The following RUFY1 variants were observed in gnomAD, a reference collection of about 807,000 sequenced individuals.
RUFY1 encodes the protein RUN and FYVE domain containing 1, also known as RUN and FYVE domain-containing protein 1.
In RUFY1, 54 loss-of-function variants were observed where a neutral mutation model predicts 94.6. That is an observed-to-expected ratio of 0.57 (90% CI 0.46 to 0.72). The LOEUF is 0.72. RUFY1 is among the 30% of genes least tolerant of loss of function. The pLI, the probability that RUFY1 is intolerant of heterozygous loss-of-function variation, is 0.00. For missense variants in RUFY1, 883 were observed against 883.9 expected (o/e 1.00, Z 0.01); for synonymous variants, 396 against 347.3 (o/e 1.14, Z -1.56).
Position 179,608,788 on chromosome 5 carries a change from G to A in RUFY1, c.1984-588G>A, listed in dbSNP as rs1025429537. The stretch of plus-strand genomic sequence containing the variant: ...TACTAAAAAAATACAAAAACTAACC[G>A]GGCACGGTGGCAGGCACTTGTAATC... On this transcript the variant is annotated intron_variant, in intron 17 of 17. Coordinates refer to ENST00000319449, the MANE Select transcript of RUFY1 (RefSeq NM_025158.5). Among the ~76,000 whole-genome samples the A allele has an allele frequency of 5.3e-5, 8 of 151,834 alleles. No individual in the cohort carries two copies. The South Asian group carries it at 6.2e-4, about 12-fold the overall frequency.
In RUFY1 at chr5:179,601,884, C is replaced by T. The variant is rs1263518966; in HGVS notation, c.1762-8C>T. 9 of 1,512,390 alleles carry T rather than the reference C, an allele frequency of 6.0e-6. No individual in the cohort carries two copies. The Admixed American group carries it at 1.0e-4, about 17-fold the overall frequency. The allele number at this position is 1,512,390 out of a possible 1,614,324, so 93.7% of individuals were successfully genotyped here. On this transcript the variant is annotated splice_region_variant and splice_polypyrimidine_tract_variant and intron_variant, in intron 14 of 17. Transcript: ENST00000319449. ...CTGTCCAGCATCTGGTTGGTTTGTT[C>T]ATTTTAGGAGTTGCGGGAGCTTCAG...
chr5:179,560,518 G>A (rs1762366812), intron 2 of RUFY1, among the ~76,000 whole-genome samples: 1 of 151,452 alleles, frequency 6.6e-6, no homozygotes, highest in Admixed American at 6.6e-5. Flanking sequence ...AGGATATCGA[G>A]ACCATCCTGG....
chr5:179,581,211 C>T (rs193014475), intron 7 of RUFY1, among the ~76,000 whole-genome samples, 199 bp downstream of exon 7: 39 of 152,266 alleles, frequency 2.6e-4, no homozygotes, highest in Non-Finnish European at 4.6e-4. Context: ...AATCTTTATT[C>T]TGTGCTTTTT....
At position 179,550,695 on chromosome 5, in the gene RUFY1, C is replaced by A. The variant is rs865843702; in HGVS notation, c.126C>A (p.Ser42Arg). ...PGEEFEIVDR[S>R]QLPGPGDLRS... is the part of the protein sequence containing the mutation. Reference sequence around the variant, plus strand: ...AAGAGTTTGAGATCGTGGACCGAAGCCAGCTGCCCGGCCCAGGCGACCTGC... The same window carrying A: ...AAGAGTTTGAGATCGTGGACCGAAGACAGCTGCCCGGCCCAGGCGACCTGC... Residue 42 changes from serine to arginine, a missense_variant, in exon 1 of 18, where the codon AGC becomes AGA. By Grantham distance (110) the Ser-to-Arg change is moderately radical (BLOSUM62 -1). Transcript: ENST00000319449. 1.3e-6 allele frequency: 2 copies of A among 1,496,326 alleles called. No homozygotes were observed. Among genetic ancestry groups the A allele is most frequent in the Admixed American group, 2.1e-5 (1 of 48,626 alleles). 92.7% of individuals were successfully genotyped at this position (1,496,326 alleles called of 1,614,324 possible).
chr5:179,569,544 G>A (rs1177503542), intron 5 of RUFY1, 119 bp downstream of exon 5: 4 of 966,356 alleles, frequency 4.1e-6, no homozygotes, highest in Non-Finnish European at 6.5e-6. Flanking sequence ...ACTGGTAGAG[G>A]ACCCCAGGGA....
chr5:179,585,989 T>A, intron 8 of RUFY1, 124 bp downstream of exon 8: 1 of 737,876 alleles, frequency 1.4e-6, no homozygotes, highest in Non-Finnish European at 2.4e-6. Flanking sequence ...AGCCTCCAGC[T>A]ACCCCACGTG....
At position 179,589,657 on chromosome 5, in the gene RUFY1, T is replaced by G. The variant is rs768225919; in HGVS notation, c.1128+10T>G. 7.0e-6 allele frequency: 11 copies of G among 1,578,634 alleles called. No homozygotes were observed. The South Asian group carries it at 1.0e-4, about 14-fold the overall frequency. Reference sequence around the variant, plus strand: ...TGAAAAGAGTGTAGAGGTGAGAAATTGACCTACATTTGGGCAGCATGTTTC... The same window carrying G: ...TGAAAAGAGTGTAGAGGTGAGAAATGGACCTACATTTGGGCAGCATGTTTC... On this transcript the variant is annotated intron_variant, in intron 9 of 17. Coordinates refer to ENST00000319449, the MANE Select transcript of RUFY1 (RefSeq NM_025158.5).
At chr5:179,561,179 C>T (rs1462124416) in intron 2 of RUFY1, among the ~76,000 whole-genome samples, 1 of 151,942 alleles carries the variant, frequency 6.6e-6, no homozygotes, top group African/African-American at 2.4e-5. Flanking sequence ...CCATTGCACT[C>T]CAACCAAGGC....
In RUFY1 at chr5:179,550,606, G is replaced by C; in HGVS notation, c.37G>C (p.Gly13Arg). 3.8e-6 allele frequency: 5 copies of C among 1,305,382 alleles called. No individual in the cohort carries two copies. The highest frequency in any genetic ancestry group is 4.8e-6 in the Non-Finnish European group (5 of 1,036,658). The allele number at this position is 1,305,382 out of a possible 1,614,324, so 80.9% of individuals were successfully genotyped here. A position where few individuals can be genotyped will look rare whatever the true frequency, so the allele number is the denominator to read the frequency against. Residue 13 changes from glycine (G) to arginine (R), a missense_variant, in exon 1 of 18, where the codon GGG (glycine) becomes CGG (arginine). Coordinates refer to ENST00000319449, the MANE Select transcript of RUFY1 (RefSeq NM_025158.5). ...GGAAGGCGGCTGCGCTGCTGGGCGG[G>C]GGCGGGAGCTGGAGCCGGAGCTGGA... is the stretch of plus-strand genomic sequence containing the variant. ...DREGGCAAGR[G>R]RELEPELEPG... is the part of the protein sequence containing the mutation.
chr5:179,561,651 G>GC (rs1762459882), intron 2 of RUFY1, among the ~76,000 whole-genome samples: 1 of 146,962 alleles, frequency 6.8e-6, no homozygotes, highest in African/African-American at 2.5e-5. Flanking sequence ...TAGTAGATGA[G>GC]CCTATAAGGC....
At chr5:179,574,453 C>G (rs575666474) in intron 5 of RUFY1, among the ~76,000 whole-genome samples, 10 of 152,262 alleles carry the variant, frequency 6.6e-5, no homozygotes, top group African/African-American at 2.2e-4. Flanking sequence ...TTCTTGTTTT[C>G]TACCGCAGCT....
Position 179,607,323 on chromosome 5 carries a change from T to A in RUFY1, c.1906-259T>A, listed in dbSNP as rs1012272337. The stretch of plus-strand genomic sequence containing the variant: ...GGAGTGTGCCTGAGTGAGCAGATGC[T>A]GGAGACCGCCTGGAGGCCCCAGGGC... On this transcript the variant is annotated intron_variant, in intron 16 of 17. Coordinates refer to ENST00000319449, the MANE Select transcript of RUFY1 (RefSeq NM_025158.5). 4.4e-5 allele frequency: 23 copies of A among 520,444 alleles called. No homozygotes were observed. The Admixed American group carries it at 7.2e-4, about 16-fold the overall frequency. 32.2% of individuals were successfully genotyped at this position (520,444 alleles called of 1,614,324 possible).
chr5:179,608,407 CAT>C lies in RUFY1; in HGVS notation c.1983+749_1983+750del, dbSNP rs1424577022. ...CGTCCTGAGGCTGCCTTTGAGATCACATGTGTCTACAAGGCCTGGCTGTCCCC... is the reference window on the plus strand; with the variant it reads ...CGTCCTGAGGCTGCCTTTGAGATCACGTGTCTACAAGGCCTGGCTGTCCCC... On this transcript the variant is annotated intron_variant, in intron 17 of 17. Coordinates refer to ENST00000319449, the MANE Select transcript of RUFY1 (RefSeq NM_025158.5). The C allele has an allele frequency of 9.1e-6, 9 of 985,560 alleles. No individual in the cohort carries two copies. In the East Asian group the frequency reaches 4.5e-4, roughly 50 times the overall value. The allele number at this position is 985,560 out of a possible 1,614,324, so 61.1% of individuals were successfully genotyped here. A position where few individuals can be genotyped will look rare whatever the true frequency, so the allele number is the denominator to read the frequency against.
intron 6 of RUFY1, among the ~76,000 whole-genome samples, chr5:179,580,241 G>GTGTGTATATA (rs149099074): frequency 0.011 from 1,003 of 93,836 alleles, 15 homozygotes; most frequent in Middle Eastern, 0.023. Flanking sequence ...GTGTGTGTGT[G>GTGTGTATATA]TATATTTTTT....
At chr5:179,560,585 G>A (rs1487811311) in intron 2 of RUFY1, among the ~76,000 whole-genome samples, 1 of 151,466 alleles carries the variant, frequency 6.6e-6, no homozygotes, top group African/African-American at 2.4e-5. Flanking sequence ...AATTAGCTGG[G>A]CGTGGTAGCG....
intron 16 of RUFY1, chr5:179,607,326 A>T (rs1479472385): frequency 5.7e-6 from 3 of 523,464 alleles, no homozygotes; most frequent in Non-Finnish European, 6.9e-6. Flanking sequence ...CAGATGCTGG[A>T]GACCGCCTGG....
intron 14 of RUFY1, chr5:179,600,220 C>T (rs1399531702): frequency 6.6e-6 from 1 of 152,262 alleles, no homozygotes; most frequent in Non-Finnish European, 1.5e-5. Flanking sequence ...GAAGCAGAAG[C>T]TACGGCACAG....
At chr5:179,560,447 C>T (rs988749300) in intron 2 of RUFY1, among the ~76,000 whole-genome samples, 3 of 151,966 alleles carry the variant, frequency 2.0e-5, no homozygotes, top group East Asian at 1.9e-4. Context: ...AGGCTGGGCG[C>T]GGTGGCTCAC....
rs771960533 is a variant in RUFY1 at position 179,598,762 on chromosome 5, G to A, written c.1702G>A (p.Glu568Lys). The A allele has an allele frequency of 2.0e-5, 33 of 1,614,066 alleles. No homozygotes were observed. In the South Asian group the frequency reaches 3.3e-4, roughly 16 times the overall value. ...RQALQRELQH[E>K]KDTSSLLRME... ...GGCTCTTCAGCGCGAATTACAGCACGAGAAAGACACTTCCTCTCTACTCAG... is the reference window on the plus strand; with the variant it reads ...GGCTCTTCAGCGCGAATTACAGCACAAGAAAGACACTTCCTCTCTACTCAG... Residue 568 changes from glutamate (E) to lysine (K), a missense_variant, in exon 14 of 18, where the codon GAG becomes AAG. Coordinates refer to ENST00000319449, the MANE Select transcript of RUFY1 (RefSeq NM_025158.5).
Sources: allele counts gnomAD v4.1 joint callset (sites outside exome capture counted in the v4.1 genomes callset), GRCh38; gene constraint gnomAD v4.1.1; transcripts MANE v1.5; gene names NCBI Gene and HGNC (gene_info 2026-07-23, HGNC 2026-07-21).